Variants in PKD1L1 observed in about 807,000 individuals in gnomAD.
PKD1L1 encodes the protein polycystin-1-like protein 1.
In PKD1L1, 236 loss-of-function variants were observed where a neutral mutation model predicts 323.4. The ratio of observed to expected loss-of-function variants is 0.73; its 90% CI spans 0.66 to 0.81. The LOEUF is 0.81. Ranked by LOEUF, PKD1L1 falls within the 40% of genes least tolerant of loss-of-function variation. The pLI is 0.00. For missense variants in PKD1L1, 3,320 were observed against 3,508.0 expected (o/e 0.95, Z 1.35); for synonymous variants, 1,344 against 1,335.0 (o/e 1.01, Z -0.15).
intron 14 of PKD1L1, among the ~76,000 whole-genome samples, chr7:47,896,544 G>C (rs552869575): frequency 1.3e-5 from 2 of 151,646 alleles, no homozygotes; most frequent in African/African-American, 4.9e-5. Context: ...TAGTTGTTTG[G>C]GGGGGACTTA....
At chr7:47,899,939 G>A (rs1168355560) in intron 13 of PKD1L1, among the ~76,000 whole-genome samples, 1 of 97,360 alleles carries the variant, frequency 1.0e-5, no homozygotes, top group African/African-American at 3.9e-5. Context: ...CTAGGCAACA[G>A]AGCGAGACTC....
At chr7:47,799,584 G>C (rs1263856222) in intron 54 of PKD1L1, among the ~76,000 whole-genome samples, 2 of 152,186 alleles carry the variant, frequency 1.3e-5, no homozygotes, top group East Asian at 3.8e-4. Context: ...CAAGACAATG[G>C]GTGCAATGAG....
intron 9 of PKD1L1, 51 bp from the exon 10 acceptor site, chr7:47,906,013 CT>C: frequency 1.3e-6 from 2 of 1,490,996 alleles, no homozygotes; most frequent in Non-Finnish European, 1.8e-6. Context: ...AATTAATTCA[CT>C]TTTATCATGC....
At chr7:47,960,035 T>C in the PKD1L1 span, among the ~76,000 whole-genome samples, 1 of 152,174 alleles carries the variant, frequency 6.6e-6, no homozygotes, top group Non-Finnish European at 1.5e-5. Context: ...AGAAAAATTA[T>C]TCTGCCTTGT....
intron 56 of PKD1L1, among the ~76,000 whole-genome samples, chr7:47,792,197 G>C (rs1786965565): frequency 6.6e-6 from 1 of 152,126 alleles, no homozygotes; most frequent in South Asian, 2.1e-4. Flanking sequence ...GTCTAACTTG[G>C]AGAATTCTGT....
chr7:47,949,675 T>TC (rs1398314980), upstream of PKD1L1, among the ~76,000 whole-genome samples: 26 of 152,296 alleles, frequency 1.7e-4, no homozygotes, highest in Admixed American at 4.6e-4. Flanking sequence ...TTTAGAAAAC[T>TC]TAATGTTTTA....
chr7:47,812,091 GAAAGGC>G (rs1348509490), intron 49 of PKD1L1, 40 bp from the exon 50 acceptor site: 16 of 1,507,200 alleles, frequency 1.1e-5, no homozygotes, highest in Non-Finnish European at 1.3e-5. Flanking sequence ...AGGGCAGGGA[GAAAGGC>G]ACAGAAGTCT....
intron 56 of PKD1L1, among the ~76,000 whole-genome samples, chr7:47,788,577 A>ATATATATTTTT (rs939251075): frequency 4.3e-5 from 6 of 138,060 alleles, no homozygotes; most frequent in African/African-American, 1.6e-4. Context: ...ATATATATAT[A>ATATATATTTTT]TTTTTTTTTT....
intron 7 of PKD1L1, among the ~76,000 whole-genome samples, chr7:47,925,619 G>C (rs1787642156): frequency 6.6e-6 from 1 of 152,138 alleles, no homozygotes; most frequent in Non-Finnish European, 1.5e-5. Flanking sequence ...GGGAGGGTCA[G>C]ACATGCCCCA....
At position 47,845,231 on chromosome 7, in the gene PKD1L1, C is replaced by A. The variant is rs1980279; in HGVS notation, c.5154-153G>T. Reference sequence around the variant, plus strand: ...GACCCAGTTTAAAAGATTCACCTGACACCTAAGTTAGAAATGAGGGACACT... The same window carrying A: ...GACCCAGTTTAAAAGATTCACCTGAAACCTAAGTTAGAAATGAGGGACACT... On this transcript the variant is annotated intron_variant, in intron 32 of 56. Transcript: ENST00000289672. Among the ~76,000 whole-genome samples, 94,316 of 152,184 alleles carry A rather than the reference C, an allele frequency of 0.62. 29,665 individuals carry two copies. The highest frequency in any genetic ancestry group is 0.7 in the African/African-American group (28,862 of 41,510).
At chr7:47,939,487 A>G (rs1787938837) in intron 3 of PKD1L1, among the ~76,000 whole-genome samples, 1 of 152,126 alleles carries the variant, frequency 6.6e-6, no homozygotes, top group African/African-American at 2.4e-5. Context: ...TGTCTCACTC[A>G]GAAGTTTTCA....
At chr7:47,818,752 T>C (rs1340111742) in intron 46 of PKD1L1, among the ~76,000 whole-genome samples, 4 of 152,272 alleles carry the variant, frequency 2.6e-5, no homozygotes, top group Admixed American at 2.6e-4. Context: ...TTTACTTTTA[T>C]GGCACTTGGA....
intron 3 of PKD1L1, among the ~76,000 whole-genome samples, chr7:47,937,253 T>TGGGGGGGGGGGGGGGGGGGGGG (rs1787886392): frequency 4.1e-4 from 1 of 2,450 alleles, no homozygotes; most frequent in African/African-American, 1.2e-3. Context: ...CGGGACGGGG[T>TGGGGGGGGGGGGGGGGGGGGGG]GGGGGTGGGG....
chr7:47,864,629 TTTC>T (rs1786116832), intron 26 of PKD1L1, among the ~76,000 whole-genome samples: 1 of 128,086 alleles, frequency 7.8e-6, no homozygotes, highest in Non-Finnish European at 1.7e-5. Flanking sequence ...TCTTTCTTTC[TTTC>T]TTTCCTTCCT....
intron 21 of PKD1L1, among the ~76,000 whole-genome samples, chr7:47,880,284 A>ATATATATATTTTTTTTTTTT (rs1225214936): frequency 3.5e-5 from 2 of 56,818 alleles, no homozygotes; most frequent in Non-Finnish European, 5.7e-5. Flanking sequence ...ATATATATAT[A>ATATATATATTTTTTTTTTTT]TTTTTTTTTT....
intron 16 of PKD1L1, among the ~76,000 whole-genome samples, chr7:47,888,596 C>T (rs139793595): frequency 6.3e-4 from 96 of 152,382 alleles, no homozygotes; most frequent in Non-Finnish European, 1.2e-3. Flanking sequence ...CCAAACTTTC[C>T]CCGTGGCCGT....
rs1785599147 is a variant in PKD1L1 at position 47,843,243 on chromosome 7, C to T, written c.5238-74G>A. ...ATATAGGAAAAGACTGATTGCCACC[C>T]CTAGCCCCTTACACACAAAAGTCCC... On this transcript the variant is annotated intron_variant, in intron 33 of 56. Coordinates refer to ENST00000289672, the MANE Select transcript of PKD1L1 (RefSeq NM_138295.5). 7.0e-6 allele frequency: 8 copies of T among 1,147,540 alleles called. No homozygotes were observed. The East Asian group carries it at 1.9e-4, about 28-fold the overall frequency. The allele number at this position is 1,147,540 out of a possible 1,614,324, so 71.1% of individuals were successfully genotyped here. A position where few individuals can be genotyped will look rare whatever the true frequency, so the allele number is the denominator to read the frequency against.
intron 14 of PKD1L1, among the ~76,000 whole-genome samples, chr7:47,897,366 A>G (rs1206730573): frequency 6.6e-6 from 1 of 152,180 alleles, no homozygotes; most frequent in African/African-American, 2.4e-5. Flanking sequence ...ATTTGTTCCC[A>G]GAATCTCCCA....
the PKD1L1 span, among the ~76,000 whole-genome samples, chr7:47,960,413 A>C: frequency 1.3e-5 from 2 of 148,548 alleles, no homozygotes; most frequent in African/African-American, 4.9e-5. Context: ...AAGAAAAAAA[A>C]AGAGCTCCAT....
Sources: allele counts gnomAD v4.1 joint callset (sites outside exome capture counted in the v4.1 genomes callset), GRCh38; gene constraint gnomAD v4.1.1; transcripts MANE v1.5; gene names NCBI Gene and HGNC (gene_info 2026-07-23, HGNC 2026-07-21).